The following PMM1 variants were observed in gnomAD, a reference collection of about 807,000 sequenced individuals.
PMM1 encodes brain glucose-1,6-bisphosphatase.
Under a neutral mutation model 34.0 loss-of-function variants are expected in PMM1, and 25 were observed. That is an observed-to-expected ratio of 0.73 (90% confidence interval 0.54 to 1.03). The LOEUF is 1.03. PMM1 is among the 50% of genes least tolerant of loss of function. PMM1 has a pLI of 0.00. For missense variants in PMM1, 321 were observed against 350.1 expected, an observed-to-expected ratio of 0.92 and a Z score of 0.66; for synonymous variants, 134 against 143.9, an observed-to-expected ratio of 0.93 and a Z score of 0.49.
Position 41,577,105 on chromosome 22 carries a change from G to A in PMM1, c.*213C>T, listed in dbSNP as rs2067182299. ...CCTGGGCCACCAGGTGGAGCATGGG[G>A]AACACTCTGGGCCCTGGGAGGACGA... On this transcript the variant is annotated 3_prime_UTR_variant, in exon 8 of 8. Coordinates refer to ENST00000216259, the MANE Select transcript of PMM1 (RefSeq NM_002676.3). 1.3e-5 allele frequency: 8 copies of A among 611,666 alleles called. No individual in the cohort carries two copies. In the South Asian group the frequency reaches 1.5e-4, roughly 12 times the overall value. 37.9% of individuals were successfully genotyped at this position (611,666 alleles called of 1,614,324 possible).
In PMM1 at chr22:41,577,390, G is replaced by C; in HGVS notation, c.717C>G (p.Ser239Arg). 1 of 1,612,822 alleles carries C rather than the reference G, an allele frequency of 6.2e-7. No homozygotes were observed. Among genetic ancestry groups the C allele is most frequent in the South Asian group, 1.1e-5 (1 of 91,090 alleles). The change falls in exon 8 of 8, where the codon AGC becomes AGG. Residue 239 changes from serine (S) to arginine (R), a missense_variant. Physicochemically the swap from Ser to Arg is moderately radical, Grantham distance 110 (BLOSUM62 -1). Coordinates refer to ENST00000216259, the MANE Select transcript of PMM1 (RefSeq NM_002676.3). ...GCACCGTGTCCTGAGGAGACACCAC[G>C]CTGTGGCCAACAGTCCGGGGGTCGG... ...IFADPRTVGH[S>R]VVSPQDTVQR... is the part of the protein sequence containing the mutation.
At chr22:41,583,119 G>A (rs1280270533) in intron 5 of PMM1, among the ~76,000 whole-genome samples, 1 of 151,910 alleles carries the variant, frequency 6.6e-6, no homozygotes, top group African/African-American at 2.4e-5. Flanking sequence ...AGTTGGCAAC[G>A]AGGAGCCAAG....
chr22:41,589,016 A>C, intron 1 of PMM1: 1 of 1,221,094 alleles, frequency 8.2e-7, no homozygotes, highest in Non-Finnish European at 1.1e-6. Context: ...GAGGCTCAAC[A>C]CAGCGAGAGT....
intron 1 of PMM1, chr22:41,589,052 C>T (rs770316221): frequency 1.1e-4 from 137 of 1,292,162 alleles, no homozygotes; most frequent in Non-Finnish European, 1.4e-4. Context: ...AGACTCTTAC[C>T]CTCACTATTC....
chr22:41,582,131 GA>G (rs1353939281), intron 5 of PMM1, among the ~76,000 whole-genome samples: 3 of 148,184 alleles, frequency 2.0e-5, no homozygotes, highest in Non-Finnish European at 3.0e-5. Flanking sequence ...GTGACAGAGC[GA>G]AACTCAGTCT....
chr22:41,577,664 T>C, intron 7 of PMM1, 144 bp downstream of exon 7: 1 of 761,836 alleles, frequency 1.3e-6, no homozygotes, highest in Non-Finnish European at 2.2e-6. Context: ...GAGCAATGGT[T>C]GTTCTCCAGG....
At chr22:41,582,538 C>A (rs774485616) in intron 5 of PMM1, among the ~76,000 whole-genome samples, 12 of 152,178 alleles carry the variant, frequency 7.9e-5, no homozygotes, top group Non-Finnish European at 1.5e-4. Context: ...GCAGAAATCC[C>A]TCATGGAGCT....
At position 41,576,984 on chromosome 22, in the gene PMM1, G is replaced by A; in HGVS notation, c.*334C>T. On this transcript the variant is annotated 3_prime_UTR_variant, in exon 8 of 8. Transcript: ENST00000216259. ...GTACCTCATCGCCCAGGGCAGGCAG[G>A]CAGGGCAGGCTAGATCTCGTACCGA... 5.1e-6 allele frequency: 2 copies of A among 392,454 alleles called. No homozygotes were observed. Among genetic ancestry groups the A allele is most frequent in the Non-Finnish European group, 9.6e-6 (2 of 207,600 alleles). 24.3% of individuals were successfully genotyped at this position (392,454 alleles called of 1,614,324 possible). A position where few individuals can be genotyped will look rare whatever the true frequency, so the allele number is the denominator to read the frequency against.
intron 5 of PMM1, among the ~76,000 whole-genome samples, chr22:41,581,714 GCA>G: frequency 6.6e-6 from 1 of 152,152 alleles, no homozygotes; most frequent in Admixed American, 6.5e-5. Context: ...ATTAGGCCGG[GCA>G]CAGTGGCCAC....
At position 41,584,290 on chromosome 22, in the gene PMM1, G is replaced by A. The variant is rs758835689; in HGVS notation, c.365C>T (p.Pro122Leu). 5.0e-6 allele frequency: 8 copies of A among 1,613,832 alleles called. No individual in the cohort carries two copies. In the East Asian group the frequency reaches 1.6e-4, roughly 31 times the overall value. Residue 122 changes from proline to leucine, a missense_variant, in exon 4 of 8, where the codon CCC becomes CTC. Transcript: ENST00000216259. ...CLSYMALLRL[P>L]KKRGTFIEFR... ...GCTGGTGGGACCTCACCGCTTCTTG[G>A]GCAGCCTGAGCAGGGCCATGTAGCT...
rs2067314154 is a variant in PMM1, at chr22:41,586,909, G to C, written c.88-716C>G. ...CAGGAGGGTGGATCACTTGATGTCAGGAGTTCGAGACCAGCCTGGCCAACA... is the reference window on the plus strand; with the variant it reads ...CAGGAGGGTGGATCACTTGATGTCACGAGTTCGAGACCAGCCTGGCCAACA... On this transcript the variant is annotated intron_variant, in intron 1 of 7. Transcript: ENST00000216259. Among the ~76,000 whole-genome samples, 12 of 146,266 alleles carry C rather than the reference G, an allele frequency of 8.2e-5. No homozygotes were observed. In the Admixed American group the frequency reaches 8.3e-4, roughly 10 times the overall value.
rs753601755 is a variant in PMM1, at chr22:41,589,713, T to C, written c.87+6A>G. ...CGGTGGGAGCTTCCAATCTTCAGGG[T>C]CCTACCTGGCGAGCCGGCGTGAGGG... On this transcript the variant is annotated splice_donor_region_variant and intron_variant, in intron 1 of 7. Coordinates refer to ENST00000216259, the MANE Select transcript of PMM1 (RefSeq NM_002676.3). 6.2e-7 allele frequency: 1 copy of C among 1,608,734 alleles called. No homozygotes were observed. The highest frequency in any genetic ancestry group is 8.5e-7 in the Non-Finnish European group (1 of 1,178,056).
chr22:41,577,450 G>C lies in PMM1; in HGVS notation c.667-10C>G, dbSNP rs1345645036. 1.2e-5 allele frequency: 19 copies of C among 1,608,398 alleles called. No individual in the cohort carries two copies. Among genetic ancestry groups the C allele is most frequent in the Non-Finnish European group, 1.6e-5 (19 of 1,179,076 alleles). On this transcript the variant is annotated splice_polypyrimidine_tract_variant and intron_variant, in intron 7 of 7. Coordinates refer to ENST00000216259, the MANE Select transcript of PMM1 (RefSeq NM_002676.3). ...CAAAGTCGTTCCCACCCTGCACACA[G>C]AGGATGGGCAGAGGAGGGATATTTA...
intron 1 of PMM1, chr22:41,589,131 C>T (rs1165348691): frequency 1.7e-5 from 22 of 1,304,072 alleles, no homozygotes; most frequent in Non-Finnish European, 2.1e-5. Flanking sequence ...AGCTCATAAA[C>T]GAATTTGAAA....
chr22:41,589,632 C>T (rs575060099), intron 1 of PMM1, 87 bp downstream of exon 1: 4 of 1,180,692 alleles, frequency 3.4e-6, no homozygotes, highest in East Asian at 5.1e-5. Context: ...CGGGTGTCCA[C>T]GGTCACGCTG....
rs79865826 is a variant in PMM1, at chr22:41,586,203, G to C, written c.88-10C>G. The C allele has an allele frequency of 5.6e-6, 9 of 1,605,620 alleles. No individual in the cohort carries two copies. Among genetic ancestry groups the C allele is most frequent in the Non-Finnish European group, 7.6e-6 (9 of 1,179,330 alleles). On this transcript the variant is annotated splice_polypyrimidine_tract_variant and intron_variant, in intron 1 of 7. Coordinates refer to ENST00000216259, the MANE Select transcript of PMM1 (RefSeq NM_002676.3). ...CCTCAGGGTCAATTTTCTATGGGGGGAGAGGGGAAGCATAGCATTCTGGCT... is the reference window on the plus strand; with the variant it reads ...CCTCAGGGTCAATTTTCTATGGGGGCAGAGGGGAAGCATAGCATTCTGGCT...
At position 41,577,875 on chromosome 22, in the gene PMM1, T is replaced by C. The variant is rs1316191643; in HGVS notation, c.599A>G (p.Tyr200Cys). The part of the protein sequence containing the change: ...DVFPEGWDKR[Y>C]CLDSLDQDSF... Reference sequence around the variant, plus strand: ...GTCCTGGTCCAGGCTATCCAGGCAGTAGCGCTTGTCCCAGCCCTCGGGGAA... The same window carrying C: ...GTCCTGGTCCAGGCTATCCAGGCAGCAGCGCTTGTCCCAGCCCTCGGGGAA... The change falls in exon 7 of 8, where the codon TAC becomes TGC. Residue 200 changes from tyrosine to cysteine, a missense_variant. Tyr to Cys is a radical substitution (Grantham distance 194). Coordinates refer to ENST00000216259, the MANE Select transcript of PMM1 (RefSeq NM_002676.3). 6.2e-7 allele frequency: 1 copy of C among 1,613,526 alleles called. No individual in the cohort carries two copies. Among genetic ancestry groups the C allele is most frequent in the Middle Eastern group, 1.6e-4 (1 of 6,062 alleles).
chr22:41,586,059 C>T lies in PMM1; in HGVS notation c.205+17G>A, dbSNP rs761462799. On this transcript the variant is annotated intron_variant, in intron 2 of 7. Transcript: ENST00000216259. ...TCTCAAACTCCCCACTCCCTCTACCCCCAGCCTCACTCCTACCTTCATCCC... is the reference window on the plus strand; with the variant it reads ...TCTCAAACTCCCCACTCCCTCTACCTCCAGCCTCACTCCTACCTTCATCCC... The T allele has an allele frequency of 6.3e-7, 1 of 1,583,962 alleles. No homozygotes were observed. The highest frequency in any genetic ancestry group is 8.6e-7 in the Non-Finnish European group (1 of 1,161,830).
chr22:41,579,023 G>C, intron 5 of PMM1, 142 bp from the exon 6 acceptor site: 1 of 674,434 alleles, frequency 1.5e-6, no homozygotes, highest in South Asian at 1.7e-5. Flanking sequence ...CTAAGGCTCA[G>C]AGAGGGGTTG....
Sources: gnomAD v4.1 joint callset for allele counts (sites outside exome capture counted in the v4.1 genomes callset) on GRCh38, gnomAD v4.1.1 for gene constraint, MANE v1.5 for transcripts, NCBI Gene and HGNC (gene_info 2026-07-23, HGNC 2026-07-21) for gene names.